LCK: variants seen among roughly 807,000 people sequenced by gnomAD.
LCK encodes tyrosine-protein kinase Lck.
LCK carries 14 observed loss-of-function variants against 64.6 expected under a neutral mutation model. That is an observed-to-expected ratio of 0.22 (90% CI 0.14 to 0.34). The LOEUF (loss-of-function observed/expected upper bound fraction) is 0.34, where lower values mean the gene tolerates loss of function less well. Among genes scored for constraint, LCK ranks in the 10% least tolerant of loss-of-function variants. The pLI, the probability that LCK is intolerant of heterozygous loss-of-function variation, is 1.00. For synonymous variants in LCK, 277 were observed against 263.6 expected, an observed-to-expected ratio of 1.05 and a Z score of -0.49; for missense variants, 434 against 668.1, an observed-to-expected ratio of 0.65 and a Z score of 3.86.
At chr1:32,257,242 T>A (rs1201480136) in intron 1 of LCK, among the ~76,000 whole-genome samples, 1 of 150,792 alleles carries the variant, frequency 6.6e-6, no homozygotes, top group Non-Finnish European at 1.5e-5. Flanking sequence ...CTTGTTTTTT[T>A]TTTTTTTGTT....
At chr1:32,271,635 G>A (rs1387153230) in intron 1 of LCK, among the ~76,000 whole-genome samples, 1 of 152,220 alleles carries the variant, frequency 6.6e-6, no homozygotes, top group Non-Finnish European at 1.5e-5. Context: ...TTGCACTGCA[G>A]TCTGGGCAAG....
At chr1:32,272,974 G>A (rs1441999960) in intron 1 of LCK, among the ~76,000 whole-genome samples, 12 of 148,374 alleles carry the variant, frequency 8.1e-5, no homozygotes, top group African/African-American at 2.2e-4. Flanking sequence ...GGGTGAGTGC[G>A]TGTGTGTGGG....
chr1:32,262,868 G>GAAAAAAAA (rs539749343), intron 1 of LCK, among the ~76,000 whole-genome samples: 2 of 85,578 alleles, frequency 2.3e-5, no homozygotes, highest in Non-Finnish European at 5.3e-5. Context: ...GAGGAAGGGA[G>GAAAAAAAA]AAAAAAAAAA....
At chr1:32,277,502 G>T (rs1640318680) in intron 9 of LCK, among the ~76,000 whole-genome samples, 1 of 152,064 alleles carries the variant, frequency 6.6e-6, no homozygotes, top group African/African-American at 2.4e-5. Flanking sequence ...AGTTCTGAGT[G>T]AGACCCCCAC....
intron 1 of LCK, among the ~76,000 whole-genome samples, chr1:32,260,979 C>A (rs1212074612): frequency 6.6e-6 from 1 of 152,114 alleles, no homozygotes; most frequent in African/African-American, 2.4e-5. Context: ...GAAGCTGGCA[C>A]ACATTTTGGA....
At position 32,279,998 on chromosome 1, in the gene LCK, C is replaced by T. The variant is rs142706318; in HGVS notation, c.1195+4C>T. ...AACGAGTACACAGCCAGGGAGGGTA[C>T]GTGTGAGATTTAAGGGTGGTCTGGG... On this transcript the variant is annotated splice_donor_region_variant and intron_variant, in intron 11 of 12. Coordinates refer to ENST00000336890, the MANE Select transcript of LCK (RefSeq NM_005356.5). 3.6e-4 allele frequency: 586 copies of T among 1,614,052 alleles called. 3 individuals carry two copies. In the African/African-American group the frequency reaches 6.9e-3, roughly 19 times the overall value.
chr1:32,262,372 G>A (rs571624133), intron 1 of LCK, among the ~76,000 whole-genome samples: 262 of 148,012 alleles, frequency 1.8e-3, no homozygotes, highest in Admixed American at 3.6e-3. Context: ...GTGGTGGTGC[G>A]TGCCTATAAT....
chr1:32,272,770 G>C (rs970657481), intron 1 of LCK, among the ~76,000 whole-genome samples: 4 of 151,804 alleles, frequency 2.6e-5, no homozygotes, highest in Non-Finnish European at 5.9e-5. Context: ...GTGTGTGTGG[G>C]GGTGTGTGGG....
intron 1 of LCK, among the ~76,000 whole-genome samples, chr1:32,256,845 A>G (rs907763087): frequency 2.0e-5 from 3 of 152,180 alleles, no homozygotes; most frequent in African/African-American, 7.2e-5. Context: ...CCATTTACGA[A>G]TGTTAATTTA....
intron 1 of LCK, among the ~76,000 whole-genome samples, chr1:32,258,473 T>G (rs1401788626): frequency 3.7e-5 from 5 of 136,048 alleles, no homozygotes; most frequent in Non-Finnish European, 7.7e-5. Flanking sequence ...TGAGACTCCA[T>G]CTCTTTAAAA....
chr1:32,285,042 G>A (rs1640573588), intron 12 of LCK, among the ~76,000 whole-genome samples: 1 of 151,682 alleles, frequency 6.6e-6, no homozygotes, highest in African/African-American at 2.4e-5. Flanking sequence ...GGTGGCTCAC[G>A]CCTGTAATCC....
At position 32,251,937 on chromosome 1, in the gene LCK, A is replaced by AGAGG. The variant is rs1491479733; in HGVS notation, c.-6+566_-6+567insGAGG. On this transcript the variant is annotated intron_variant, in intron 1 of 12. Coordinates refer to ENST00000336890, the MANE Select transcript of LCK (RefSeq NM_005356.5). The surrounding 1 kb of genome is among the most constrained non-coding windows in gnomAD (Gnocchi z 4.0). Reference sequence around the variant, plus strand: ...GAGAGAGAGAGAGAGAGAGAGAGAGACAGAGATCACCCAAGGCATCCAGAT... The same window carrying AGAGG: ...GAGAGAGAGAGAGAGAGAGAGAGAGAGAGGCAGAGATCACCCAAGGCATCCAGAT... 7.2e-6 allele frequency among the ~76,000 whole-genome samples: 1 copy of AGAGG among 139,756 alleles called. No individual in the cohort carries two copies. The highest frequency in any genetic ancestry group is 2.3e-4 in the East Asian group (1 of 4,418). 91.7% of individuals were successfully genotyped at this position (139,756 alleles called of 152,430 possible).
Position 32,274,820 on chromosome 1 carries a change from TGA to T in LCK, c.187+3_187+4del. The T allele has an allele frequency of 6.2e-7, 1 of 1,614,008 alleles. No homozygotes were observed. The highest frequency in any genetic ancestry group is 8.5e-7 in the Non-Finnish European group (1 of 1,179,954). ...ATCCGCCGGCTTCCCCACTGCAAGG[TGA>T]CCCCAGGCAGCAGGGCCTGAAAGAC... On this transcript the variant is annotated splice_donor_region_variant and intron_variant, in intron 3 of 12. Transcript: ENST00000336890.
chr1:32,272,993 C>T (rs889133989), intron 1 of LCK, among the ~76,000 whole-genome samples: 33 of 117,988 alleles, frequency 2.8e-4, no homozygotes, highest in African/African-American at 1.1e-3. Context: ...GGGGTGAATG[C>T]GTGTGTGTGT....
At chr1:32,270,399 C>A (rs1441952556) in intron 1 of LCK, among the ~76,000 whole-genome samples, 1 of 151,234 alleles carries the variant, frequency 6.6e-6, no homozygotes. Flanking sequence ...CCACCGTGCC[C>A]AGCCTGCTCT....
In LCK at chr1:32,259,888, G is replaced by A. The variant is rs569078071; in HGVS notation, c.-6+8517G>A. Among the ~76,000 whole-genome samples the A allele has an allele frequency of 4.8e-4, 73 of 152,080 alleles. 1 individual carries two copies. The South Asian group carries it at 0.015, about 31-fold the overall frequency. On this transcript the variant is annotated intron_variant, in intron 1 of 12. Coordinates refer to ENST00000336890, the MANE Select transcript of LCK (RefSeq NM_005356.5). ...CCTGCTAGCCCTGATTCTTGATATT[G>A]CTTGATATTGTCATGAGGGTTCTAT...
At position 32,275,857 on chromosome 1, in the gene LCK, G is replaced by A. The variant is rs1640250652; in HGVS notation, c.482-57G>A. Reference sequence around the variant, plus strand: ...GGTGAGCCCAAGGTGGGGGCGCGGTGGCGGGCCAGACTCACTGCGTTCTTT... The same window carrying A: ...GGTGAGCCCAAGGTGGGGGCGCGGTAGCGGGCCAGACTCACTGCGTTCTTT... On this transcript the variant is annotated intron_variant, in intron 6 of 12. Transcript: ENST00000336890. This position sits in a 1 kb window ranked among gnomAD's most constrained non-coding sequence, Gnocchi z 6.9. 6.3e-7 allele frequency: 1 copy of A among 1,598,786 alleles called. No individual in the cohort carries two copies. The highest frequency in any genetic ancestry group is 8.5e-7 in the Non-Finnish European group (1 of 1,171,228).
At chr1:32,284,316 G>GTGAGATATATATATATCTGTGAGAT (rs1640554355) in intron 12 of LCK, among the ~76,000 whole-genome samples, 1 of 146,254 alleles carries the variant, frequency 6.8e-6, no homozygotes, top group South Asian at 2.1e-4. Context: ...ATCTGTGAGA[G>GTGAGATATATATATATCTGTGAGAT]ATATATATAT....
At chr1:32,282,743 T>C (rs944740507) in intron 12 of LCK, among the ~76,000 whole-genome samples, 2 of 151,958 alleles carry the variant, frequency 1.3e-5, no homozygotes, top group Non-Finnish European at 2.9e-5. Context: ...GAGGCGGAAG[T>C]TGCAGTGAGC....
Sources: allele counts gnomAD v4.1 joint callset (sites outside exome capture counted in the v4.1 genomes callset), GRCh38; gene constraint gnomAD v4.1.1; non-coding constraint Gnocchi (gnomAD v3.1); transcripts MANE v1.5; gene names NCBI Gene and HGNC (gene_info 2026-07-23, HGNC 2026-07-21).